The following CDK16 variants were observed in gnomAD, a reference collection of about 807,000 sequenced individuals.
The protein encoded by CDK16 is cyclin-dependent kinase 16.
In CDK16, 2 loss-of-function variants were observed where a neutral mutation model predicts 41.6. The ratio of observed to expected loss-of-function variants is 0.05; its 90% CI spans 0.02 to 0.15. CDK16 has a LOEUF of 0.15. Ranked by LOEUF, CDK16 falls within the 10% of genes least tolerant of loss-of-function variation. The pLI, the probability that CDK16 is intolerant of heterozygous loss-of-function variation, is 1.00. For missense variants in CDK16, 228 were observed against 428.9 expected (o/e 0.53, Z 4.14); for synonymous variants, 169 against 169.7 (o/e 1.00, Z 0.03).
Position 47,223,564 on chromosome X carries a change from C to G in CDK16, c.7C>G (p.Arg3Gly). The G allele has an allele frequency of 8.3e-7, 1 of 1,210,515 alleles. No individual in the cohort carries two copies. MDRMKKIKRQLSM... is the reference protein window; with the variant it reads MDGMKKIKRQLSM... ...GTCCCTTGCTCAGATCGCCATGGAT[C>G]GGATGAAGAAGATCAAACGGCAGCT... The change falls in exon 2 of 16, where the codon CGG becomes GGG. Residue 3 changes from arginine to glycine, a missense_variant. By Grantham distance (125) the Arg-to-Gly change is moderately radical. Around this residue, in one of 3 missense-constraint regions of CDK16, gnomAD observed 71 missense variants for 102.2 expected, o/e 0.69. Transcript: ENST00000357227.
Position 47,229,398 on chromosome X carries a change from A to G in CDK16, c.*630A>G. Reference sequence around the variant, plus strand: ...TTTTGTGCAATGAAGCCCTGCTCCCAGCCTTTCAGAGACAGGGACACAGCC... The same window carrying G: ...TTTTGTGCAATGAAGCCCTGCTCCCGGCCTTTCAGAGACAGGGACACAGCC... On this transcript the variant is annotated 3_prime_UTR_variant, in exon 16 of 16. Coordinates refer to ENST00000357227, the MANE Select transcript of CDK16 (RefSeq NM_006201.5). The G allele has an allele frequency of 3.1e-6, 1 of 326,986 alleles. No individual in the cohort carries two copies. The highest frequency in any genetic ancestry group is 5.9e-6 in the Non-Finnish European group (1 of 168,739). The allele number at this position is 326,986 out of a possible 1,213,427, so 26.9% of individuals were successfully genotyped here. A position where few individuals can be genotyped will look rare whatever the true frequency, so the allele number is the denominator to read the frequency against.
chrX:47,224,576 G>A lies in CDK16; in HGVS notation c.337-42G>A, dbSNP rs373143378. The A allele has an allele frequency of 2.5e-6, 3 of 1,208,451 alleles. No individual in the cohort carries two copies. The African/African-American group carries it at 5.3e-5, about 21-fold the overall frequency. On this transcript the variant is annotated intron_variant, in intron 3 of 15. Transcript: ENST00000357227. ...GGAAAAGGGGGTTGGACCTGGGGAG[G>A]TGGAGCTCATGATCCTGTTTCTCTC...
In CDK16 at chrX:47,219,170, C is replaced by T. The variant is rs1937219666; in HGVS notation, c.-7+65C>T. On this transcript the variant is annotated intron_variant, in intron 1 of 15. Transcript: ENST00000357227. ...TTCAGAACCCACCTCGGGCGGTGCC[C>T]AGGGGTCTGGGCTGCGGGGCTGGCA... 6.4e-6 allele frequency: 5 copies of T among 777,031 alleles called. 1 individual carries two copies. The South Asian group carries it at 2.1e-4, about 33-fold the overall frequency. 64.0% of individuals were successfully genotyped at this position (777,031 alleles called of 1,213,427 possible). A position where few individuals can be genotyped will look rare whatever the true frequency, so the allele number is the denominator to read the frequency against.
In CDK16 at chrX:47,229,076, C is replaced by A. The variant is rs936985876; in HGVS notation, c.*308C>A. 4.6e-5 allele frequency: 18 copies of A among 391,886 alleles called. No individual in the cohort carries two copies. In the South Asian group the frequency reaches 4.6e-4, roughly 10 times the overall value. The allele number at this position is 391,886 out of a possible 1,213,427, so 32.3% of individuals were successfully genotyped here. A position where few individuals can be genotyped will look rare whatever the true frequency, so the allele number is the denominator to read the frequency against. The stretch of plus-strand genomic sequence containing the variant: ...CCCACACTGAGGCCAGGTCTACCCC[C>A]CATCATACCAGCCCCCAGGACCACT... On this transcript the variant is annotated 3_prime_UTR_variant, in exon 16 of 16. Coordinates refer to ENST00000357227, the MANE Select transcript of CDK16 (RefSeq NM_006201.5).
intron 1 of CDK16, among the ~76,000 whole-genome samples, chrX:47,221,279 T>G (rs1291019707): frequency 1.8e-5 from 2 of 111,517 alleles, no homozygotes; most frequent in Non-Finnish European, 1.9e-5. Flanking sequence ...TAAGGTTTTA[T>G]GTCCAGTTTC....
Position 47,223,548 on chromosome X carries a change from T to C in CDK16, c.-6-4T>C. The C allele has an allele frequency of 1.7e-6, 2 of 1,209,307 alleles. No homozygotes were observed. Among genetic ancestry groups the C allele is most frequent in the African/African-American group, 1.7e-5 (1 of 57,748 alleles). On this transcript the variant is annotated splice_region_variant and splice_polypyrimidine_tract_variant and intron_variant, in intron 1 of 15. Transcript: ENST00000357227. Reference sequence around the variant, plus strand: ...ACCCATTTCCATCCTTGTCCCTTGCTCAGATCGCCATGGATCGGATGAAGA... The same window carrying C: ...ACCCATTTCCATCCTTGTCCCTTGCCCAGATCGCCATGGATCGGATGAAGA...
Position 47,223,632 on chromosome X carries a change from T to A in CDK16, c.75T>A (p.Asn25Lys), listed in dbSNP as rs748834033. ...GTGGCCGAGGCATAGACAAGACCAA[T>A]GGTGCCCCTGAGCAGATAGGCCTGG... The part of the protein sequence containing the change: ...LRGGRGIDKT[N>K]GAPEQIGLDE... The change falls in exon 2 of 16, where the codon AAT (asparagine) becomes AAA (lysine). Residue 25 changes from asparagine (N) to lysine (K), a missense_variant. Asn to Lys is a moderately conservative substitution (Grantham distance 94). Transcript: ENST00000357227. The A allele has an allele frequency of 1.7e-6, 2 of 1,209,508 alleles. No individual in the cohort carries two copies. The highest frequency in any genetic ancestry group is 2.2e-6 in the Non-Finnish European group (2 of 894,870).
Position 47,229,276 on chromosome X carries a change from T to TA in CDK16, c.*510dup. On this transcript the variant is annotated 3_prime_UTR_variant, in exon 16 of 16. Coordinates refer to ENST00000357227, the MANE Select transcript of CDK16 (RefSeq NM_006201.5). ...GTTTCATTCATTGTTTTTTTTTTTT[T>TA]AATTATTTTAAATGAGATTTTTGTT... 1 of 211,825 alleles carries TA rather than the reference T, an allele frequency of 4.7e-6. No individual in the cohort carries two copies. 17.5% of individuals were successfully genotyped at this position (211,825 alleles called of 1,213,427 possible).
At position 47,227,115 on chromosome X, in the gene CDK16, G is replaced by A. The variant is rs912001844; in HGVS notation, c.1241+16G>A. 1 of 1,208,419 alleles carries A rather than the reference G, an allele frequency of 8.3e-7. No homozygotes were observed. Among genetic ancestry groups the A allele is most frequent in the Non-Finnish European group, 1.1e-6 (1 of 892,461 alleles). ...ACGCACCCCGGTGAGGCTGGTGGGTGGGTGGGCGTTAGGGGCCAGAGTGTC... is the reference window on the plus strand; with the variant it reads ...ACGCACCCCGGTGAGGCTGGTGGGTAGGTGGGCGTTAGGGGCCAGAGTGTC... On this transcript the variant is annotated intron_variant, in intron 12 of 15. Coordinates refer to ENST00000357227, the MANE Select transcript of CDK16 (RefSeq NM_006201.5).
rs763127145 is a variant in CDK16, at chrX:47,223,701, C to A, written c.144C>A (p.Pro48=). ...GGGGSDPGEA[P]TRAAPGELRS... ...GCGGCAGTGACCCTGGAGAGGCCCC[C>A]ACACGTGCTGCTCCTGGGGAACTTC... Residue 48 remains proline (P), a synonymous_variant, in exon 2 of 16, where the codon CCC becomes CCA. Coordinates refer to ENST00000357227, the MANE Select transcript of CDK16 (RefSeq NM_006201.5). 5 of 1,210,509 alleles carry A rather than the reference C, an allele frequency of 4.1e-6. No individual in the cohort carries two copies. The South Asian group carries it at 7.0e-5, about 17-fold the overall frequency.
intron 8 of CDK16, 115 bp from the exon 9 acceptor site, chrX:47,226,164 T>G (rs890461450): frequency 2.6e-6 from 3 of 1,136,375 alleles, no homozygotes; most frequent in East Asian, 6.1e-5. Context: ...CCCTGTCCTC[T>G]TTTGTGTGAC....
At chrX:47,218,657 A>G (rs1467582984), upstream of CDK16, 2 of 1,167,975 alleles carry the variant, frequency 1.7e-6, no homozygotes, top group Admixed American at 5.1e-5. Context: ...TGGTACATGC[A>G]GTCCGAGGTG....
chrX:47,219,226 A>G lies in CDK16; in HGVS notation c.-7+121A>G, dbSNP rs191041861. 10,978 of 675,405 alleles carry G rather than the reference A, an allele frequency of 0.016. 952 individuals carry two copies. The African/African-American group carries it at 0.24, about 15-fold the overall frequency. The allele number at this position is 675,405 out of a possible 1,213,427, so 55.7% of individuals were successfully genotyped here. A position where few individuals can be genotyped will look rare whatever the true frequency, so the allele number is the denominator to read the frequency against. On this transcript the variant is annotated intron_variant, in intron 1 of 15. Transcript: ENST00000357227. ...CCCCACCCCCGGCGAATTTCCCAGA[A>G]TGCACCGGGGCGGGGGGTCATTTGG... is the stretch of plus-strand genomic sequence containing the variant.
intron 6 of CDK16, among the ~76,000 whole-genome samples, chrX:47,225,436 G>A (rs779905724): frequency 1.2e-4 from 14 of 112,004 alleles, no homozygotes; most frequent in Non-Finnish European, 2.4e-4. Flanking sequence ...GATTTCACGC[G>A]ATGCTGCAGG....
rs1204264310 is a variant in CDK16, at chrX:47,224,329, G to T, written c.203-56G>T. 5 of 1,114,404 alleles carry T rather than the reference G, an allele frequency of 4.5e-6. No homozygotes were observed. The African/African-American group carries it at 9.2e-5, about 21-fold the overall frequency. 91.8% of individuals were successfully genotyped at this position (1,114,404 alleles called of 1,213,427 possible). A position where few individuals can be genotyped will look rare whatever the true frequency, so the allele number is the denominator to read the frequency against. ...TGGAATATGTTTCGTGGGGGATGGG[G>T]TGTCCTGTGGTTCCTGACCCCACCT... On this transcript the variant is annotated intron_variant, in intron 2 of 15. Transcript: ENST00000357227.
In CDK16 at chrX:47,229,243, TTTTG is replaced by T. The variant is rs761586324; in HGVS notation, c.*483_*486del. On this transcript the variant is annotated 3_prime_UTR_variant, in exon 16 of 16. Coordinates refer to ENST00000357227, the MANE Select transcript of CDK16 (RefSeq NM_006201.5). ...CCTGCCTCATATTGTGTGGGCCTTT[TTTTG>T]TTTGTTTCATTCATTGTTTTTTTTT... The T allele has an allele frequency of 2.3e-3, 523 of 223,037 alleles. 3 individuals are homozygous for T. Among genetic ancestry groups the T allele is most frequent in the Admixed American group, 3.5e-3 (51 of 14,588 alleles). 18.4% of individuals were successfully genotyped at this position (223,037 alleles called of 1,213,427 possible).
intron 14 of CDK16, 64 bp from the exon 15 acceptor site, chrX:47,228,503 T>C: frequency 1.0e-6 from 1 of 958,709 alleles, no homozygotes; most frequent in Non-Finnish European, 1.5e-6. Flanking sequence ...CATGGGGTCA[T>C]ATGGGGCTGG....
At position 47,229,646 on chromosome X, in the gene CDK16, C is replaced by A. The variant is rs1451161307; in HGVS notation, c.*878C>A. Reference sequence around the variant, plus strand: ...TCTCAGGGTCTCCCCAGCCCAGTCCCCTTGCTCCCATCCCACTCGGTGCTG... The same window carrying A: ...TCTCAGGGTCTCCCCAGCCCAGTCCACTTGCTCCCATCCCACTCGGTGCTG... On this transcript the variant is annotated 3_prime_UTR_variant, in exon 16 of 16. Coordinates refer to ENST00000357227, the MANE Select transcript of CDK16 (RefSeq NM_006201.5). The A allele has an allele frequency of 5.1e-6, 1 of 195,018 alleles. No individual in the cohort carries two copies. Among genetic ancestry groups the A allele is most frequent in the Non-Finnish European group, 9.7e-6 (1 of 103,171 alleles). The allele number at this position is 195,018 out of a possible 1,213,427, so 16.1% of individuals were successfully genotyped here. A position where few individuals can be genotyped will look rare whatever the true frequency, so the allele number is the denominator to read the frequency against.
chrX:47,226,410 T>G lies in CDK16; in HGVS notation c.916+8T>G, dbSNP rs900774912. The stretch of plus-strand genomic sequence containing the variant: ...TCAAGCTGGCTGACTTTGGTACCAC[T>G]GGCCTCCCCTTTCTTATTGGCTCCC... On this transcript the variant is annotated splice_region_variant and intron_variant, in intron 9 of 15. Coordinates refer to ENST00000357227, the MANE Select transcript of CDK16 (RefSeq NM_006201.5). 1.7e-6 allele frequency: 2 copies of G among 1,205,734 alleles called. No individual in the cohort carries two copies. Among genetic ancestry groups the G allele is most frequent in the African/African-American group, 3.5e-5 (2 of 56,719 alleles).
Sources: allele counts gnomAD v4.1 joint callset (sites outside exome capture counted in the v4.1 genomes callset), GRCh38; gene constraint gnomAD v4.1.1; regional missense constraint gnomAD v4.1.1; transcripts MANE v1.5; gene names NCBI Gene and HGNC (gene_info 2026-07-23, HGNC 2026-07-21).